PTPRM: variants seen among roughly 807,000 people sequenced by gnomAD.
PTPRM encodes the protein receptor-type tyrosine-protein phosphatase mu.
Under a neutral mutation model 186.7 loss-of-function variants are expected in PTPRM, and 47 were observed. The observed-to-expected ratio is 0.25, with a 90% CI of 0.20 to 0.32. PTPRM has a LOEUF of 0.32. Ranked by LOEUF, PTPRM falls within the 10% of genes least tolerant of loss-of-function variation. The pLI, the probability that PTPRM is intolerant of heterozygous loss-of-function variation, is 1.00. For missense variants in PTPRM, 1,494 were observed against 1,865.0 expected (o/e 0.80, Z 3.66); for synonymous variants, 668 against 674.9 (o/e 0.99, Z 0.16).
intron 7 of PTPRM, among the ~76,000 whole-genome samples, chr18:8,001,024 G>T (rs1366108525): frequency 6.6e-6 from 1 of 152,192 alleles, no homozygotes; most frequent in Admixed American, 6.5e-5. Flanking sequence ...AAAATGTTTA[G>T]TGAAAATAGC....
At chr18:8,169,146 C>T (rs2093362485) in intron 14 of PTPRM, among the ~76,000 whole-genome samples, 1 of 152,038 alleles carries the variant, frequency 6.6e-6, no homozygotes, top group Non-Finnish European at 1.5e-5. Flanking sequence ...TAAATGTCAT[C>T]GATATAGCAC....
chr18:7,870,247 C>T (rs2047916875), intron 2 of PTPRM, among the ~76,000 whole-genome samples: 1 of 152,148 alleles, frequency 6.6e-6, no homozygotes, highest in African/African-American at 2.4e-5. Flanking sequence ...TGTTTTTCTG[C>T]AGATTTGCTA....
At chr18:7,990,101 A>C (rs937791343) in intron 7 of PTPRM, among the ~76,000 whole-genome samples, 2 of 151,924 alleles carry the variant, frequency 1.3e-5, no homozygotes, top group African/African-American at 4.8e-5. Flanking sequence ...ATAGAGTTTC[A>C]CCATGTTGGC....
intron 19 of PTPRM, among the ~76,000 whole-genome samples, chr18:8,256,277 C>T (rs201683172): frequency 2.0e-5 from 3 of 152,070 alleles, no homozygotes; most frequent in African/African-American, 4.8e-5. Context: ...CTCTGGCACC[C>T]GACTGCCTGT....
chr18:7,624,575 TC>T (rs1404276089), intron 1 of PTPRM, among the ~76,000 whole-genome samples: 1 of 152,096 alleles, frequency 6.6e-6, no homozygotes, highest in Non-Finnish European at 1.5e-5. Context: ...AGCCTTGACT[TC>T]CTGGGTTCAA....
intron 1 of PTPRM, among the ~76,000 whole-genome samples, chr18:7,723,047 C>A (rs866275383): frequency 2.0e-5 from 3 of 152,132 alleles, no homozygotes; most frequent in African/African-American, 4.8e-5. Flanking sequence ...AGTGAACTAG[C>A]GTTTGAAGAC....
Position 8,406,179 on chromosome 18 carries a change from G to T in PTPRM, c.*17G>T. Reference sequence around the variant, plus strand: ...TCTGGCTGATGGTGTAAACAGCTCTGCAAACAATCCCTTTCATACCACAAA... The same window carrying T: ...TCTGGCTGATGGTGTAAACAGCTCTTCAAACAATCCCTTTCATACCACAAA... On this transcript the variant is annotated 3_prime_UTR_variant, in exon 33 of 33. Coordinates refer to ENST00000580170, the MANE Select transcript of PTPRM (RefSeq NM_001105244.2). 1 of 1,611,366 alleles carries T rather than the reference G, an allele frequency of 6.2e-7. No homozygotes were observed. The highest frequency in any genetic ancestry group is 8.5e-7 in the Non-Finnish European group (1 of 1,177,784).
intron 14 of PTPRM, among the ~76,000 whole-genome samples, chr18:8,187,367 G>A (rs2093656347): frequency 6.6e-6 from 1 of 152,140 alleles, no homozygotes; most frequent in Admixed American, 6.5e-5. Context: ...TGCATCTAGG[G>A]GCTGGAGAAA....
At chr18:8,159,861 T>A (rs60140940) in intron 14 of PTPRM, among the ~76,000 whole-genome samples, 157 of 150,962 alleles carry the variant, frequency 1.0e-3, no homozygotes, top group African/African-American at 3.7e-3. Flanking sequence ...CTTTGCTTTT[T>A]AAAAAAAAAA....
rs1419054409 is a variant in PTPRM, at chr18:7,955,188, C to T, written c.906C>T (p.Leu302=). Residue 302 remains leucine (L), a synonymous_variant, in exon 7 of 33, where the codon CTC becomes CTT. Coordinates refer to ENST00000580170, the MANE Select transcript of PTPRM (RefSeq NM_001105244.2). ...GAGCCACCTACCTGTGGATACAGCT[C>T]AACGCCAACTCCATCAATGGGGATG... ...SVGATYLWIQ[L]NANSINGDGP... The T allele has an allele frequency of 3.1e-6, 5 of 1,614,204 alleles. No homozygotes were observed. Among genetic ancestry groups the T allele is most frequent in the Non-Finnish European group, 4.2e-6 (5 of 1,180,046 alleles).
intron 29 of PTPRM, among the ~76,000 whole-genome samples, 158 bp from the exon 30 acceptor site, chr18:8,384,403 A>G (rs2095758192): frequency 6.6e-6 from 1 of 152,180 alleles, no homozygotes; most frequent in South Asian, 2.1e-4. Flanking sequence ...GGCTGCAGTG[A>G]GCCATGATCG....
chr18:8,293,384 T>A (rs1248588260), intron 19 of PTPRM, among the ~76,000 whole-genome samples: 3 of 152,210 alleles, frequency 2.0e-5, no homozygotes, highest in Admixed American at 2.0e-4. Context: ...AGCCTCTGTG[T>A]GTCCAGAGAG....
intron 7 of PTPRM, among the ~76,000 whole-genome samples, chr18:8,057,425 C>CTTTTTTTTTTTTTTTTTTTTTTGCTATT (rs763829289): frequency 9.8e-6 from 1 of 102,562 alleles, no homozygotes; most frequent in Admixed American, 9.5e-5. Context: ...TGTGATACTT[C>CTTTTTTTTTTTTTTTTTTTTTTGCTATT]TTTTTTTTTT....
chr18:7,993,178 C>A (rs149955213), intron 7 of PTPRM, among the ~76,000 whole-genome samples: 73 of 151,490 alleles, frequency 4.8e-4, no homozygotes, highest in African/African-American at 1.7e-3. Flanking sequence ...CCCAGTCAGA[C>A]ATAAATGAAT....
chr18:8,178,125 G>A (rs1223969123), intron 14 of PTPRM, among the ~76,000 whole-genome samples: 1 of 152,168 alleles, frequency 6.6e-6, no homozygotes, highest in Non-Finnish European at 1.5e-5. Flanking sequence ...TGGGTGCATG[G>A]AGTTGCTAGC....
intron 19 of PTPRM, among the ~76,000 whole-genome samples, chr18:8,293,857 T>C (rs543286709): frequency 6.6e-6 from 1 of 152,332 alleles, no homozygotes; most frequent in Non-Finnish European, 1.5e-5. Flanking sequence ...AGTATTTGTA[T>C]TGAGTTAATT....
intron 1 of PTPRM, among the ~76,000 whole-genome samples, chr18:7,575,627 A>G (rs1238215483): frequency 6.6e-5 from 10 of 152,224 alleles, no homozygotes. Context: ...AAGAAGTAGT[A>G]TATATTTGCC....
chr18:7,933,275 A>C (rs1208037914), intron 5 of PTPRM, among the ~76,000 whole-genome samples: 2 of 152,220 alleles, frequency 1.3e-5, no homozygotes, highest in Middle Eastern at 3.2e-3. Flanking sequence ...AAAGTGCTCA[A>C]CCTAATAAGG....
chr18:8,206,172 A>T (rs2093925317), intron 14 of PTPRM, among the ~76,000 whole-genome samples: 1 of 152,186 alleles, frequency 6.6e-6, no homozygotes, highest in Non-Finnish European at 1.5e-5. Flanking sequence ...GTAGTAGTAG[A>T]AGCAGAGAGA....
Sources: allele counts gnomAD v4.1 joint callset (sites outside exome capture counted in the v4.1 genomes callset), GRCh38; gene constraint gnomAD v4.1.1; transcripts MANE v1.5; gene names NCBI Gene and HGNC (gene_info 2026-07-23, HGNC 2026-07-21).